MSRB3: variants seen among roughly 807,000 people sequenced by gnomAD.
MSRB3 encodes the protein methionine sulfoxide reductase B3, also known as methionine-R-sulfoxide reductase B3.
Under a neutral mutation model 21.0 loss-of-function variants are expected in MSRB3, and 13 were observed. The ratio of observed to expected loss-of-function variants is 0.62; its 90% confidence interval spans 0.40 to 0.98. MSRB3 has a LOEUF of 0.98. Among genes scored for constraint, MSRB3 ranks in the 50% least tolerant of loss-of-function variants. The probability of loss-of-function intolerance (pLI) is 0.00; values close to 1 mark genes in which losing one functional copy is unlikely to be tolerated. For missense variants in MSRB3, 199 were observed against 230.3 expected (o/e 0.86, Z 0.88); for synonymous variants, 87 against 88.6 (o/e 0.98, Z 0.10).
intron 5 of MSRB3, among the ~76,000 whole-genome samples, chr12:65,395,110 G>T (rs1365240033): frequency 6.6e-6 from 1 of 152,118 alleles, no homozygotes; most frequent in Non-Finnish European, 1.5e-5. Flanking sequence ...AGAAAGAAAA[G>T]GCACTCAGAT....
chr12:65,337,136 G>C (rs1393838494), intron 4 of MSRB3, among the ~76,000 whole-genome samples: 2 of 152,078 alleles, frequency 1.3e-5, no homozygotes, highest in African/African-American at 4.8e-5. Flanking sequence ...CCAGCTACTC[G>C]GGAGGCTGAG....
intron 1 of MSRB3, among the ~76,000 whole-genome samples, chr12:65,304,654 G>C (rs1288363698): frequency 1.3e-5 from 2 of 152,204 alleles, no homozygotes; most frequent in African/African-American, 4.8e-5. Flanking sequence ...TAAACTTGGA[G>C]AATTATGGAT....
intron 6 of MSRB3, among the ~76,000 whole-genome samples, chr12:65,454,858 T>G (rs1420682998): frequency 6.6e-6 from 1 of 152,194 alleles, no homozygotes; most frequent in Non-Finnish European, 1.5e-5. Flanking sequence ...ATTTTGTGCT[T>G]AAACACAGAG....
At chr12:65,423,348 C>T (rs1057278431) in intron 5 of MSRB3, among the ~76,000 whole-genome samples, 14 of 152,224 alleles carry the variant, frequency 9.2e-5, no homozygotes, top group South Asian at 4.1e-4. Flanking sequence ...TATTTTTCAT[C>T]TTTTTGCCTA....
intron 5 of MSRB3, among the ~76,000 whole-genome samples, chr12:65,405,374 C>T (rs1179982096): frequency 1.3e-5 from 2 of 151,804 alleles, no homozygotes; most frequent in Non-Finnish European, 2.9e-5. Flanking sequence ...ATGTTGTTGT[C>T]CCTAATGACA....
chr12:65,373,118 C>CAGG (rs1179845397), intron 5 of MSRB3, among the ~76,000 whole-genome samples: 1 of 152,000 alleles, frequency 6.6e-6, no homozygotes, highest in Non-Finnish European at 1.5e-5. Context: ...GTGAAAAGAC[C>CAGG]AGGAGTTGGC....
chr12:65,449,754 G>T (rs777347538), intron 5 of MSRB3, among the ~76,000 whole-genome samples: 6 of 152,176 alleles, frequency 3.9e-5, no homozygotes, highest in African/African-American at 7.2e-5. Context: ...TTATTTTAGG[G>T]TGGGGAAGGA....
intron 2 of MSRB3, chr12:65,308,974 G>C (rs1873822691): frequency 2.6e-6 from 1 of 391,198 alleles, no homozygotes; most frequent in Non-Finnish European, 4.7e-6. Context: ...GTCTGAGTAA[G>C]AAACTGCCCC....
At chr12:65,452,063 G>A (rs1445973634) in intron 5 of MSRB3, among the ~76,000 whole-genome samples, 1 of 152,168 alleles carries the variant, frequency 6.6e-6, no homozygotes, top group Non-Finnish European at 1.5e-5. Flanking sequence ...ATATATACAT[G>A]TGTATATCTA....
rs554547010 is a variant in MSRB3, at chr12:65,453,956, G to A, written c.390+131G>A. The stretch of plus-strand genomic sequence containing the variant: ...GCATGACGAAGTTTATATGAAGTCC[G>A]ATGGATGCCTATGTTCAGGTGTTTA... On this transcript the variant is annotated intron_variant, in intron 6 of 6. Transcript: ENST00000308259. The A allele has an allele frequency of 5.3e-4, 401 of 753,764 alleles. 7 individuals are homozygous for A. The highest frequency in any genetic ancestry group is 4.8e-3 in the South Asian group (334 of 69,644). The allele number at this position is 753,764 out of a possible 1,614,324, so 46.7% of individuals were successfully genotyped here.
At chr12:65,332,301 G>C (rs1875478366) in intron 4 of MSRB3, among the ~76,000 whole-genome samples, 1 of 152,112 alleles carries the variant, frequency 6.6e-6, no homozygotes, top group Admixed American at 6.5e-5. Context: ...AGGTGTGTGT[G>C]TGTGTGTGTG....
intron 1 of MSRB3, among the ~76,000 whole-genome samples, chr12:65,293,430 C>T (rs183921084): frequency 6.6e-5 from 10 of 152,288 alleles, no homozygotes; most frequent in African/African-American, 2.4e-4. Context: ...ATCATTTTCT[C>T]CCCTGCTCCT....
At chr12:65,420,772 T>C (rs1318587144) in intron 5 of MSRB3, among the ~76,000 whole-genome samples, 3 of 152,226 alleles carry the variant, frequency 2.0e-5, no homozygotes, top group Non-Finnish European at 4.4e-5. Flanking sequence ...GGCCTCCAGC[T>C]CCATCCATGT....
At chr12:65,345,505 A>G (rs75933176) in intron 4 of MSRB3, among the ~76,000 whole-genome samples, 2 of 152,276 alleles carry the variant, frequency 1.3e-5, no homozygotes, top group African/African-American at 2.4e-5. Flanking sequence ...GAAAATTTTT[A>G]TAATTGACGA....
At chr12:65,353,079 G>A (rs1194687548) in intron 4 of MSRB3, among the ~76,000 whole-genome samples, 1 of 152,158 alleles carries the variant, frequency 6.6e-6, no homozygotes, top group Non-Finnish European at 1.5e-5. Context: ...ATCGCACTGT[G>A]TTCTGAGAGA....
chr12:65,337,022 T>C (rs1367140584), intron 4 of MSRB3, among the ~76,000 whole-genome samples: 1 of 152,078 alleles, frequency 6.6e-6, no homozygotes, highest in Non-Finnish European at 1.5e-5. Context: ...GGCGGGCGGA[T>C]CACGAGGTCA....
chr12:65,443,913 A>G lies in MSRB3; in HGVS notation c.293-9815A>G, dbSNP rs910671939. ...CTATCATTCTACTTTCTGTCTCTGTAATTTTGACTGCTCTAAGTGGAAGTT... is the reference window on the plus strand; with the variant it reads ...CTATCATTCTACTTTCTGTCTCTGTGATTTTGACTGCTCTAAGTGGAAGTT... On this transcript the variant is annotated intron_variant, in intron 5 of 6. Coordinates refer to ENST00000308259, the MANE Select transcript of MSRB3 (RefSeq NM_001031679.3). Among the ~76,000 whole-genome samples the G allele has an allele frequency of 2.0e-5, 3 of 152,200 alleles. No individual in the cohort carries two copies. In the South Asian group the frequency reaches 6.2e-4, roughly 32 times the overall value.
At chr12:65,404,140 A>G (rs921490282) in intron 5 of MSRB3, among the ~76,000 whole-genome samples, 1 of 152,180 alleles carries the variant, frequency 6.6e-6, no homozygotes, top group African/African-American at 2.4e-5. Flanking sequence ...CACAAGTACA[A>G]TCATAGTGCA....
intron 2 of MSRB3, among the ~76,000 whole-genome samples, chr12:65,314,282 T>C (rs1370206233): frequency 6.6e-6 from 1 of 152,160 alleles, no homozygotes; most frequent in Non-Finnish European, 1.5e-5. Flanking sequence ...TAAAGAAAAT[T>C]TCACATTTTG....
Sources: allele counts gnomAD v4.1 joint callset (sites outside exome capture counted in the v4.1 genomes callset), GRCh38; gene constraint gnomAD v4.1.1; transcripts MANE v1.5; gene names NCBI Gene and HGNC (gene_info 2026-07-23, HGNC 2026-07-21).